The following DEPTOR variants were observed in gnomAD, a reference collection of about 807,000 sequenced individuals.
DEPTOR encodes the protein DEP domain-containing mTOR-interacting protein.
A neutral mutation model predicts 41.6 loss-of-function variants in DEPTOR; 41 were observed. The observed-to-expected ratio is 0.98, with a 90% CI of 0.77 to 1.28. The LOEUF is 1.28. Among genes scored for constraint, DEPTOR ranks in the 50% most tolerant of loss-of-function variants. DEPTOR has a pLI of 0.00. For missense variants in DEPTOR, 514 were observed against 527.9 expected, an observed-to-expected ratio of 0.97 and a Z score of 0.26; for synonymous variants, 195 against 192.3, an observed-to-expected ratio of 1.01 and a Z score of -0.12.
At chr8:119,963,745 G>T (rs1478729304) in intron 3 of DEPTOR, among the ~76,000 whole-genome samples, 2 of 152,146 alleles carry the variant, frequency 1.3e-5, no homozygotes, top group African/African-American at 2.4e-5. Context: ...TATAGGCCCA[G>T]TTGGAGCTAT....
intron 1 of DEPTOR, among the ~76,000 whole-genome samples, chr8:119,902,956 G>A (rs1046519720): frequency 2.0e-5 from 3 of 152,156 alleles, no homozygotes; most frequent in Admixed American, 1.3e-4. Flanking sequence ...TACATTTGGA[G>A]ACAAGACAAG....
intron 1 of DEPTOR, among the ~76,000 whole-genome samples, chr8:119,903,091 C>T (rs1025970492): frequency 2.0e-5 from 3 of 152,126 alleles, no homozygotes; most frequent in African/African-American, 4.8e-5. Flanking sequence ...AAGTAATATT[C>T]GTTGGCTGGG....
intron 3 of DEPTOR, among the ~76,000 whole-genome samples, chr8:119,941,245 T>C (rs771764390): frequency 2.0e-5 from 3 of 151,798 alleles, no homozygotes; most frequent in African/African-American, 7.3e-5. Context: ...TGGTGGCATA[T>C]GCTTGTAATC....
chr8:120,003,997 T>C (rs1415590819), intron 6 of DEPTOR, among the ~76,000 whole-genome samples: 1 of 152,176 alleles, frequency 6.6e-6, no homozygotes, highest in African/African-American at 2.4e-5. Context: ...CACCCCCAGT[T>C]CAGTTTGTCA....
intron 1 of DEPTOR, among the ~76,000 whole-genome samples, chr8:119,890,489 G>C (rs1827439139): frequency 6.6e-6 from 1 of 152,038 alleles, no homozygotes; most frequent in Admixed American, 6.6e-5. Context: ...TTTTAGTAGA[G>C]ATGGGGTTTC....
chr8:119,925,963 T>TA (rs1827958823), intron 1 of DEPTOR, among the ~76,000 whole-genome samples: 1 of 152,240 alleles, frequency 6.6e-6, no homozygotes, highest in Admixed American at 6.5e-5. Context: ...TCACAATGTT[T>TA]AGCTCCCTTT....
chr8:119,913,823 G>C (rs1359527979), intron 1 of DEPTOR, among the ~76,000 whole-genome samples: 1 of 152,114 alleles, frequency 6.6e-6, no homozygotes. Context: ...AGACAACACA[G>C]GCCCTGGCTT....
chr8:120,009,254 C>G lies in DEPTOR; in HGVS notation c.1101+121C>G. The G allele has an allele frequency of 1.2e-5, 10 of 840,390 alleles. No homozygotes were observed. The South Asian group carries it at 1.8e-4, about 15-fold the overall frequency. 52.1% of individuals were successfully genotyped at this position (840,390 alleles called of 1,614,324 possible). A position where few individuals can be genotyped will look rare whatever the true frequency, so the allele number is the denominator to read the frequency against. ...TTTTGTGTCCTTTTCTATTTCTGCC[C>G]TCTCTTTCTTGTTCTCCAAAGTCTT... On this transcript the variant is annotated intron_variant, in intron 8 of 8. Coordinates refer to ENST00000286234, the MANE Select transcript of DEPTOR (RefSeq NM_022783.4).
intron 1 of DEPTOR, among the ~76,000 whole-genome samples, chr8:119,882,051 C>T (rs940030850): frequency 7.2e-5 from 11 of 152,086 alleles, no homozygotes; most frequent in African/African-American, 9.7e-5. Flanking sequence ...CCACCACGCC[C>T]GGCTAATTTT....
chr8:119,945,924 T>C (rs997272764), intron 3 of DEPTOR, among the ~76,000 whole-genome samples: 1 of 152,176 alleles, frequency 6.6e-6, no homozygotes, highest in Non-Finnish European at 1.5e-5. Flanking sequence ...TGAAGAGTGA[T>C]ACCAGTGGAA....
chr8:119,998,567 C>A (rs1586651373), intron 4 of DEPTOR, among the ~76,000 whole-genome samples: 3 of 152,240 alleles, frequency 2.0e-5, no homozygotes, highest in South Asian at 4.2e-4. Context: ...TCCCTGATGA[C>A]TCTACAGACA....
intron 4 of DEPTOR, among the ~76,000 whole-genome samples, chr8:119,970,406 A>T (rs1380706770): frequency 6.6e-6 from 1 of 152,116 alleles, no homozygotes; most frequent in African/African-American, 2.4e-5. Flanking sequence ...CAAGTTCCAG[A>T]GCTACCCTGT....
Position 120,006,785 on chromosome 8 carries a change from A to C in DEPTOR, c.926-20A>C, listed in dbSNP as rs1011942040. 2 of 1,612,548 alleles carry C rather than the reference A, an allele frequency of 1.2e-6. No individual in the cohort carries two copies. The highest frequency in any genetic ancestry group is 1.7e-6 in the Non-Finnish European group (2 of 1,178,930). ...AGGACTTGGAAGTGCTTATGTCTTG[A>C]CATTGTGTTTGTCTGCCAGTGCTGA... On this transcript the variant is annotated intron_variant, in intron 6 of 8. Coordinates refer to ENST00000286234, the MANE Select transcript of DEPTOR (RefSeq NM_022783.4).
intron 1 of DEPTOR, among the ~76,000 whole-genome samples, chr8:119,914,815 G>A (rs1181157496): frequency 2.0e-5 from 3 of 152,212 alleles, no homozygotes; most frequent in Admixed American, 6.5e-5. Context: ...GTGGGGCTCA[G>A]CCTTCTGTGT....
chr8:120,008,996 C>T (rs374650683), intron 7 of DEPTOR, 33 bp from the exon 8 acceptor site: 64 of 1,604,682 alleles, frequency 4.0e-5, no homozygotes, highest in Admixed American at 6.7e-5. Flanking sequence ...CGGAGACAGT[C>T]GGCTGCTTGC....
At chr8:119,916,152 T>G (rs1340518274) in intron 1 of DEPTOR, among the ~76,000 whole-genome samples, 2 of 151,980 alleles carry the variant, frequency 1.3e-5, no homozygotes, top group Non-Finnish European at 2.9e-5. Context: ...GACGCTGGAG[T>G]GCAGTGGCGC....
intron 8 of DEPTOR, among the ~76,000 whole-genome samples, chr8:120,022,633 A>G (rs532902428): frequency 4.6e-5 from 7 of 152,302 alleles, no homozygotes; most frequent in African/African-American, 1.7e-4. Context: ...ACCCCTTTGA[A>G]GGACTCTTCA....
chr8:119,899,558 G>T (rs376485338), intron 1 of DEPTOR, among the ~76,000 whole-genome samples: 4 of 152,162 alleles, frequency 2.6e-5, no homozygotes, highest in African/African-American at 7.2e-5. Flanking sequence ...TAAAGTATCT[G>T]CTTTCTGAGA....
chr8:120,040,500 G>A (rs191108975), intron 8 of DEPTOR, among the ~76,000 whole-genome samples: 132 of 152,240 alleles, frequency 8.7e-4, no homozygotes, highest in Middle Eastern at 3.4e-3. Flanking sequence ...GTGAACCTGG[G>A]AGGCAGATTT....
Sources: gnomAD v4.1 joint callset for allele counts (sites outside exome capture counted in the v4.1 genomes callset) on GRCh38, gnomAD v4.1.1 for gene constraint, MANE v1.5 for transcripts, NCBI Gene and HGNC (gene_info 2026-07-23, HGNC 2026-07-21) for gene names.